The following ATP8A2 variants were observed in gnomAD, a reference collection of about 807,000 sequenced individuals.
ATP8A2 encodes phospholipid-transporting ATPase IB.
A neutral mutation model predicts 165.6 loss-of-function variants in ATP8A2; 100 were observed. That is an observed-to-expected ratio of 0.60 (90% CI 0.51 to 0.71). ATP8A2 has a LOEUF of 0.71. ATP8A2 is among the 30% of genes least tolerant of loss of function. The pLI is 0.00. For synonymous variants in ATP8A2, 543 were observed against 548.8 expected (o/e 0.99, Z 0.15); for missense variants, 1,227 against 1,479.5 (o/e 0.83, Z 2.80).
intron 33 of ATP8A2, among the ~76,000 whole-genome samples, chr13:25,923,627 A>ATTT (rs5802355): frequency 6.7e-5 from 10 of 148,470 alleles, no homozygotes; most frequent in South Asian, 2.1e-4. Context: ...CTTAGCCTCC[A>ATTT]TTTTTTTTTT....
At chr13:25,477,390 A>G (rs74042964) in intron 2 of ATP8A2, among the ~76,000 whole-genome samples, 12,896 of 152,230 alleles carry the variant, frequency 0.085, 886 homozygotes, top group African/African-American at 0.18. Flanking sequence ...TTAAAACTCA[A>G]CCAGAATTGG....
intron 21 of ATP8A2, among the ~76,000 whole-genome samples, chr13:25,579,220 T>G (rs1439293109): frequency 6.6e-6 from 1 of 152,224 alleles, no homozygotes; most frequent in Non-Finnish European, 1.5e-5. Context: ...TATCCATGAC[T>G]TAAGGAAATA....
chr13:26,017,815 C>T (rs1240231962), intron 36 of ATP8A2, among the ~76,000 whole-genome samples: 1 of 152,222 alleles, frequency 6.6e-6, no homozygotes, highest in Non-Finnish European at 1.5e-5. Flanking sequence ...CAGGCTGATG[C>T]TGCCTTCAGG....
intron 35 of ATP8A2, among the ~76,000 whole-genome samples, chr13:26,006,206 GT>G (rs2139337213): frequency 6.6e-6 from 1 of 151,990 alleles, no homozygotes; most frequent in East Asian, 1.9e-4. Context: ...GTGTTTTATA[GT>G]TTTTTTATGT....
At chr13:25,661,015 A>G (rs2042039116) in intron 24 of ATP8A2, among the ~76,000 whole-genome samples, 1 of 152,058 alleles carries the variant, frequency 6.6e-6, no homozygotes, top group Non-Finnish European at 1.5e-5. Context: ...GATATAGGGG[A>G]TTCTTCATTT....
chr13:25,894,138 G>GT (rs1953463322), intron 33 of ATP8A2, among the ~76,000 whole-genome samples: 1 of 152,160 alleles, frequency 6.6e-6, no homozygotes, highest in Non-Finnish European at 1.5e-5. Context: ...TATTGCCTAG[G>GT]TTTTCTTCTA....
chr13:25,523,211 C>A (rs563740764), intron 2 of ATP8A2, among the ~76,000 whole-genome samples: 1 of 151,522 alleles, frequency 6.6e-6, no homozygotes, highest in East Asian at 1.9e-4. Flanking sequence ...GTAATGCTGG[C>A]CTCAGAATGA....
intron 20 of ATP8A2, among the ~76,000 whole-genome samples, chr13:25,578,016 GGTTTT>G (rs2039666125): frequency 1.3e-5 from 2 of 152,108 alleles, no homozygotes; most frequent in African/African-American, 4.8e-5. Flanking sequence ...AGCTCATCTA[GGTTTT>G]GTTCTCATAT....
chr13:26,020,809 G>A lies in ATP8A2; in HGVS notation c.*824G>A, dbSNP rs1250310906. 2 of 152,198 alleles carry A rather than the reference G, an allele frequency of 1.3e-5. No homozygotes were observed. Among genetic ancestry groups the A allele is most frequent in the Non-Finnish European group, 2.9e-5 (2 of 68,080 alleles). The allele number at this position is 152,198 out of a possible 1,614,324, so 9.4% of individuals were successfully genotyped here. A position where few individuals can be genotyped will look rare whatever the true frequency, so the allele number is the denominator to read the frequency against. ...GATGCGAAAAATTCCTTCTTCCACC[G>A]CCCTTCTCGTTCTGTAAAGAAAGAA... On this transcript the variant is annotated 3_prime_UTR_variant, in exon 37 of 37. Coordinates refer to ENST00000381655, the MANE Select transcript of ATP8A2 (RefSeq NM_016529.6).
intron 2 of ATP8A2, among the ~76,000 whole-genome samples, chr13:25,507,771 T>C (rs1298334131): frequency 6.6e-6 from 1 of 152,204 alleles, no homozygotes; most frequent in Non-Finnish European, 1.5e-5. Flanking sequence ...TATAAATATT[T>C]TGGAACATTT....
chr13:25,401,192 C>A (rs185268213), intron 1 of ATP8A2, among the ~76,000 whole-genome samples: 216 of 152,176 alleles, frequency 1.4e-3, no homozygotes, highest in Non-Finnish European at 2.4e-3. Flanking sequence ...TGAATACATT[C>A]TTTTCCTTCC....
intron 1 of ATP8A2, among the ~76,000 whole-genome samples, chr13:25,374,449 T>C (rs2032541980): frequency 6.6e-6 from 1 of 151,498 alleles, no homozygotes; most frequent in Admixed American, 6.6e-5. Context: ...GCAGATCGAG[T>C]GGTAGCTGGA....
rs1016598677 is a variant in ATP8A2 at position 25,850,187 on chromosome 13, T to G, written c.2957-10008T>G. ...ACTGATGCGATGGGGAGGCGAAGCC[T>G]TCTTAGCTTTCTCCTTGCCCTTTAG... On this transcript the variant is annotated intron_variant, in intron 30 of 36. Transcript: ENST00000381655. 3.3e-5 allele frequency among the ~76,000 whole-genome samples: 5 copies of G among 152,324 alleles called. No individual in the cohort carries two copies. The East Asian group carries it at 9.7e-4, about 29-fold the overall frequency.
At chr13:25,675,235 A>G (rs902024539) in intron 24 of ATP8A2, among the ~76,000 whole-genome samples, 4 of 152,196 alleles carry the variant, frequency 2.6e-5, no homozygotes, top group Admixed American at 6.5e-5. Context: ...TTGGATTTGC[A>G]TTGCATGACC....
chr13:25,395,984 C>T (rs566967564), intron 1 of ATP8A2, among the ~76,000 whole-genome samples: 12 of 152,114 alleles, frequency 7.9e-5, no homozygotes, highest in African/African-American at 2.7e-4. Context: ...GCTGGGACTA[C>T]AGGTGTGCAT....
At chr13:25,827,234 C>A (rs897361145) in intron 27 of ATP8A2, among the ~76,000 whole-genome samples, 1 of 152,148 alleles carries the variant, frequency 6.6e-6, no homozygotes, top group Admixed American at 6.5e-5. Context: ...CTCAGACCCC[C>A]CCGAGTAGCT....
At chr13:25,834,642 T>C (rs1951558653) in intron 28 of ATP8A2, among the ~76,000 whole-genome samples, 2 of 152,184 alleles carry the variant, frequency 1.3e-5, no homozygotes, top group Non-Finnish European at 2.9e-5. Flanking sequence ...AAGAAAAGCA[T>C]GATGAAGAAA....
chr13:25,887,732 C>G (rs1953204489), intron 33 of ATP8A2, among the ~76,000 whole-genome samples: 1 of 152,186 alleles, frequency 6.6e-6, no homozygotes. Flanking sequence ...AGGCCCTGAG[C>G]CAGGTGCTTT....
chr13:25,712,845 A>G (rs560283541), intron 25 of ATP8A2, among the ~76,000 whole-genome samples: 1 of 152,276 alleles, frequency 6.6e-6, no homozygotes, highest in African/African-American at 2.4e-5. Flanking sequence ...AGTAAGAGAT[A>G]GTAGCCTTAA....
Sources: gnomAD v4.1 joint callset for allele counts (sites outside exome capture counted in the v4.1 genomes callset) on GRCh38, gnomAD v4.1.1 for gene constraint, MANE v1.5 for transcripts, NCBI Gene and HGNC (gene_info 2026-07-23, HGNC 2026-07-21) for gene names.